The following SH3KBP1 variants were observed in gnomAD, a reference collection of about 807,000 sequenced individuals.
The protein encoded by SH3KBP1 is SH3 domain-containing kinase-binding protein 1.
Under a neutral mutation model 50.1 loss-of-function variants are expected in SH3KBP1, and 8 were observed. The observed-to-expected ratio is 0.16, with a 90% CI of 0.09 to 0.29. The LOEUF is 0.29. Among genes scored for constraint, SH3KBP1 ranks in the 10% least tolerant of loss-of-function variants. The pLI, the probability that SH3KBP1 is intolerant of heterozygous loss-of-function variation, is 1.00. For missense variants in SH3KBP1, 377 were observed against 535.2 expected (o/e 0.70, Z 2.92); for synonymous variants, 227 against 218.6 (o/e 1.04, Z -0.34).
chrX:19,730,855 C>G (rs187066957), intron 3 of SH3KBP1, among the ~76,000 whole-genome samples: 59 of 111,789 alleles, frequency 5.3e-4, no homozygotes, highest in African/African-American at 1.9e-3. Flanking sequence ...CCCATGTACT[C>G]CAACAAAAAG....
At chrX:19,874,167 A>C (rs2069168633) in intron 1 of SH3KBP1, among the ~76,000 whole-genome samples, 1 of 100,906 alleles carries the variant, frequency 9.9e-6, no homozygotes, top group Non-Finnish European at 2.0e-5. Flanking sequence ...GGGATGGAGA[A>C]GGCCAGTAAC....
At chrX:19,696,024 C>G (rs774476592) in intron 4 of SH3KBP1, among the ~76,000 whole-genome samples, 3 of 111,870 alleles carry the variant, frequency 2.7e-5, no homozygotes, top group African/African-American at 9.8e-5. Flanking sequence ...TGGTTATGAA[C>G]GTAGGGTAGG....
At chrX:19,697,335 G>A (rs2063441409) in intron 4 of SH3KBP1, among the ~76,000 whole-genome samples, 1 of 111,984 alleles carries the variant, frequency 8.9e-6, no homozygotes, top group Non-Finnish European at 1.9e-5. Flanking sequence ...AGTCCAGTTC[G>A]AATTTTTTCT....
intron 7 of SH3KBP1, among the ~76,000 whole-genome samples, chrX:19,636,651 G>T (rs1324473753): frequency 1.8e-5 from 2 of 111,754 alleles, no homozygotes; most frequent in African/African-American, 6.5e-5. Flanking sequence ...ACTGCCTGCA[G>T]CTAGTTTTAT....
At chrX:19,588,267 C>T in intron 12 of SH3KBP1, 4 of 957,774 alleles carry the variant, frequency 4.2e-6, no homozygotes, top group Non-Finnish European at 5.5e-6. Context: ...GATATACATA[C>T]TTGAGGCCGG....
intron 3 of SH3KBP1, among the ~76,000 whole-genome samples, chrX:19,731,662 C>G (rs1456687568): frequency 8.9e-6 from 1 of 112,021 alleles, no homozygotes. Context: ...AACCATGTAA[C>G]TTAATAAGTT....
At chrX:19,705,258 A>T (rs1325623162) in intron 4 of SH3KBP1, among the ~76,000 whole-genome samples, 1 of 112,307 alleles carries the variant, frequency 8.9e-6, no homozygotes, top group Non-Finnish European at 1.9e-5. Context: ...TAATATTTTC[A>T]CATACTACAT....
At chrX:19,590,442 G>A (rs1226825939) in intron 11 of SH3KBP1, among the ~76,000 whole-genome samples, 1 of 111,502 alleles carries the variant, frequency 9.0e-6, no homozygotes, top group Non-Finnish European at 1.9e-5. Context: ...CATATAACAA[G>A]GGATCATGGG....
intron 16 of SH3KBP1, 31 bp downstream of exon 16, chrX:19,541,894 T>C: frequency 1.7e-6 from 2 of 1,183,610 alleles, no homozygotes; most frequent in African/African-American, 1.7e-5. Context: ...GCAACCTGGG[T>C]GACGGCCCCC....
In SH3KBP1 at chrX:19,699,316, C is replaced by T. The variant is rs1198891062; in HGVS notation, c.391-3575G>A. On this transcript the variant is annotated intron_variant, in intron 4 of 17. Coordinates refer to ENST00000397821, the MANE Select transcript of SH3KBP1 (RefSeq NM_031892.3). ...TCTCTTTGTAACAAAGTAGGGATTA[C>T]GAATACCACACCAAGGGCTTATAAC... Among the ~76,000 whole-genome samples the T allele has an allele frequency of 3.6e-5, 4 of 112,378 alleles. No individual in the cohort carries two copies. In the Admixed American group the frequency reaches 3.8e-4, roughly 11 times the overall value.
intron 1 of SH3KBP1, among the ~76,000 whole-genome samples, chrX:19,858,313 C>T (rs2068701639): frequency 9.0e-6 from 1 of 111,401 alleles, no homozygotes; most frequent in Non-Finnish European, 1.9e-5. Flanking sequence ...TCGCCCAGAC[C>T]GTGCTTCACA....
chrX:19,557,610 C>G (rs766250476), intron 13 of SH3KBP1, among the ~76,000 whole-genome samples: 1 of 111,938 alleles, frequency 8.9e-6, no homozygotes, highest in Admixed American at 9.5e-5. Flanking sequence ...GTAAGTATAG[C>G]TATTTAATTA....
chrX:19,719,552 C>T (rs1257725227), intron 3 of SH3KBP1, among the ~76,000 whole-genome samples: 2 of 111,267 alleles, frequency 1.8e-5, no homozygotes, highest in Non-Finnish European at 3.8e-5. Context: ...TCTTTAGAAG[C>T]CACATCTGTA....
intron 9 of SH3KBP1, among the ~76,000 whole-genome samples, chrX:19,600,408 T>C (rs1457121341): frequency 1.8e-5 from 2 of 111,323 alleles, no homozygotes; most frequent in Non-Finnish European, 3.8e-5. Context: ...TGAAACAAAT[T>C]AAAAATTTCT....
At chrX:19,695,123 G>T in intron 5 of SH3KBP1, 1 of 916,980 alleles carries the variant, frequency 1.1e-6, no homozygotes, top group South Asian at 2.1e-5. Flanking sequence ...CCCAAGGTGG[G>T]ACCTGGACTC....
chrX:19,594,857 C>T, intron 10 of SH3KBP1, 92 bp downstream of exon 10: 2 of 700,059 alleles, frequency 2.9e-6, no homozygotes, highest in Non-Finnish European at 4.5e-6. Context: ...GGCACTTGAA[C>T]CAGGAATCCC....
chrX:19,627,275 C>T (rs994231230), intron 8 of SH3KBP1, among the ~76,000 whole-genome samples: 2 of 112,312 alleles, frequency 1.8e-5, no homozygotes, highest in African/African-American at 6.5e-5. Flanking sequence ...CAAGCGGCAG[C>T]GGCCACAGCG....
chrX:19,629,855 C>T (rs1170574085), intron 8 of SH3KBP1, among the ~76,000 whole-genome samples: 1 of 112,299 alleles, frequency 8.9e-6, no homozygotes, highest in Non-Finnish European at 1.9e-5. Context: ...TCTATGAAAC[C>T]AGAGAAATGG....
At chrX:19,798,299 C>G (rs2066783421) in intron 2 of SH3KBP1, among the ~76,000 whole-genome samples, 1 of 109,809 alleles carries the variant, frequency 9.1e-6, no homozygotes, top group African/African-American at 3.3e-5. Context: ...GTTGCCCAGG[C>G]TGGTCTCGAA....
Sources: gnomAD v4.1 joint callset for allele counts (sites outside exome capture counted in the v4.1 genomes callset) on GRCh38, gnomAD v4.1.1 for gene constraint, MANE v1.5 for transcripts, NCBI Gene and HGNC (gene_info 2026-07-23, HGNC 2026-07-21) for gene names.